The following HEMK2 variants were observed in gnomAD, a reference collection of about 807,000 sequenced individuals.
The protein encoded by HEMK2 is HemK methyltransferase 2, ETF1 glutamine and histone H4 lysine.
At chr21:28,866,564 A>C in the HEMK2 span, among the ~76,000 whole-genome samples, 9,372 of 152,190 alleles carry the variant, frequency 0.062, 338 homozygotes, top group Middle Eastern at 0.088. Flanking sequence ...GATGGTGCAC[A>C]TCTGTGGTCC....
At chr21:28,638,676 C>T in the HEMK2 span, among the ~76,000 whole-genome samples, 1 of 152,160 alleles carries the variant, frequency 6.6e-6, no homozygotes, top group African/African-American at 2.4e-5. Context: ...CTCATTCTAC[C>T]TGGCCCTCTC....
chr21:28,698,466 T>C, the HEMK2 span, among the ~76,000 whole-genome samples: 1 of 152,168 alleles, frequency 6.6e-6, no homozygotes, highest in Non-Finnish European at 1.5e-5. Flanking sequence ...TATTACAGCA[T>C]ACATGCCAGG....
the HEMK2 span, among the ~76,000 whole-genome samples, chr21:28,599,950 T>C: frequency 1.3e-5 from 2 of 152,246 alleles, no homozygotes; most frequent in Non-Finnish European, 2.9e-5. Context: ...GTCATGCTGA[T>C]ACAAGAGGTG....
At chr21:28,614,410 T>C in the HEMK2 span, among the ~76,000 whole-genome samples, 1 of 147,270 alleles carries the variant, frequency 6.8e-6, no homozygotes, top group African/African-American at 2.5e-5. Flanking sequence ...CTGGTTTTCA[T>C]ACATTAAAAA....
the HEMK2 span, among the ~76,000 whole-genome samples, chr21:28,587,037 C>T: frequency 2.6e-5 from 4 of 152,052 alleles, no homozygotes; most frequent in African/African-American, 9.6e-5. Flanking sequence ...TTTATGATTA[C>T]AAAAAACTAA....
At chr21:28,624,324 G>C in the HEMK2 span, among the ~76,000 whole-genome samples, 1 of 152,214 alleles carries the variant, frequency 6.6e-6, no homozygotes, top group Admixed American at 6.5e-5. Flanking sequence ...TCTCCATTGA[G>C]AAGTCCCATC....
the HEMK2 span, among the ~76,000 whole-genome samples, chr21:28,640,620 G>T: frequency 6.6e-6 from 1 of 152,192 alleles, no homozygotes; most frequent in Non-Finnish European, 1.5e-5. Context: ...TAGCTATCTG[G>T]AAAGTTTCCT....
the HEMK2 span, among the ~76,000 whole-genome samples, chr21:28,798,443 ATACTG>A: frequency 6.6e-6 from 1 of 152,160 alleles, no homozygotes; most frequent in Non-Finnish European, 1.5e-5. Context: ...ATAAAATGAG[ATACTG>A]TATGTTCAGC....
the HEMK2 span, among the ~76,000 whole-genome samples, chr21:28,746,340 G>A: frequency 1.4e-4 from 22 of 152,158 alleles, no homozygotes; most frequent in South Asian, 1.5e-3. Flanking sequence ...TTCCTTGCCC[G>A]TGGGGGACTC....
At chr21:28,618,476 AT>A in the HEMK2 span, among the ~76,000 whole-genome samples, 1 of 152,294 alleles carries the variant, frequency 6.6e-6, no homozygotes, top group South Asian at 2.1e-4. Flanking sequence ...TAAATAAAAG[AT>A]TTGTGTCAAA....
At chr21:28,766,317 T>TA in the HEMK2 span, among the ~76,000 whole-genome samples, 11 of 149,454 alleles carry the variant, frequency 7.4e-5, no homozygotes, top group East Asian at 2.0e-4. Context: ...TTTTTTTTTT[T>TA]AAAAAAGAAT....
the HEMK2 span, among the ~76,000 whole-genome samples, chr21:28,787,337 T>C: frequency 6.6e-6 from 1 of 151,920 alleles, no homozygotes; most frequent in African/African-American, 2.4e-5. Context: ...CAAAAGCAAA[T>C]GCAATAAAAA....
the HEMK2 span, among the ~76,000 whole-genome samples, chr21:28,777,418 C>T: frequency 6.6e-6 from 1 of 152,190 alleles, no homozygotes; most frequent in Non-Finnish European, 1.5e-5. Context: ...ATTGACTTCT[C>T]CTCAGGTCTT....
At chr21:28,808,031 A>T in the HEMK2 span, among the ~76,000 whole-genome samples, 2 of 152,120 alleles carry the variant, frequency 1.3e-5, no homozygotes, top group East Asian at 1.9e-4. Context: ...ACAGAGAGCT[A>T]GAGCAAGTGC....
At chr21:28,859,361 G>A in the HEMK2 span, among the ~76,000 whole-genome samples, 1 of 151,908 alleles carries the variant, frequency 6.6e-6, no homozygotes, top group Admixed American at 6.6e-5. Flanking sequence ...CATTCAAGTT[G>A]CCTACAATTT....
the HEMK2 span, among the ~76,000 whole-genome samples, chr21:28,720,214 C>T: frequency 2.6e-5 from 4 of 152,170 alleles, no homozygotes; most frequent in Non-Finnish European, 4.4e-5. Context: ...AATAGAAACA[C>T]ACATAAGGTA....
chr21:28,835,403 C>T, the HEMK2 span, among the ~76,000 whole-genome samples: 3 of 152,182 alleles, frequency 2.0e-5, no homozygotes, highest in Non-Finnish European at 4.4e-5. Flanking sequence ...AAAATCACTG[C>T]AGTTCATCTC....
the HEMK2 span, among the ~76,000 whole-genome samples, chr21:28,688,008 T>C: frequency 1.3e-5 from 2 of 152,226 alleles, no homozygotes; most frequent in Non-Finnish European, 2.9e-5. Context: ...AAAATTGATA[T>C]GAATCACTGG....
the HEMK2 span, among the ~76,000 whole-genome samples, chr21:28,726,053 T>C: frequency 2.0e-5 from 3 of 152,292 alleles, no homozygotes; most frequent in East Asian, 5.8e-4. Context: ...AAGTCATATT[T>C]CCATTCCATT....
Sources: gnomAD v4.1 joint callset for allele counts (sites outside exome capture counted in the v4.1 genomes callset) on GRCh38, gnomAD v4.1.1 for gene constraint, MANE v1.5 for transcripts, NCBI Gene and HGNC (gene_info 2026-07-23, HGNC 2026-07-21) for gene names.